The following EYA4 variants were observed in gnomAD, a reference collection of about 807,000 sequenced individuals.
EYA4 encodes the protein EYA transcriptional coactivator and phosphatase 4, also known as protein phosphatase EYA4.
In EYA4, 31 loss-of-function variants were observed where a neutral mutation model predicts 87.9. The observed-to-expected ratio is 0.35, with a 90% CI of 0.27 to 0.48. The LOEUF is 0.48. EYA4 is among the 20% of genes least tolerant of loss of function. EYA4 has a pLI of 0.99. For missense variants in EYA4, 678 were observed against 761.4 expected (o/e 0.89, Z 1.29); for synonymous variants, 263 against 270.6 (o/e 0.97, Z 0.28).
At chr6:133,480,789 C>T (rs902390197) in intron 11 of EYA4, among the ~76,000 whole-genome samples, 2 of 152,034 alleles carry the variant, frequency 1.3e-5, no homozygotes, top group South Asian at 2.1e-4. Context: ...ACATTTGTGG[C>T]TCACATGGTA....
intron 1 of EYA4, among the ~76,000 whole-genome samples, chr6:133,268,866 T>C (rs1165510246): frequency 6.6e-6 from 1 of 151,894 alleles, no homozygotes; most frequent in African/African-American, 2.4e-5. Context: ...GCTGGGCTTT[T>C]CCATCACGGT....
intron 3 of EYA4, among the ~76,000 whole-genome samples, chr6:133,416,623 T>C (rs919022976): frequency 3.3e-5 from 5 of 152,216 alleles, no homozygotes; most frequent in African/African-American, 4.8e-5. Context: ...ATTACGTATA[T>C]ATTATATTAC....
intron 11 of EYA4, among the ~76,000 whole-genome samples, chr6:133,478,748 A>C (rs1351210982): frequency 6.6e-6 from 1 of 152,168 alleles, no homozygotes; most frequent in Non-Finnish European, 1.5e-5. Context: ...AATGGGAATA[A>C]AGTCTTAGGT....
chr6:133,319,266 A>G (rs535056041), intron 2 of EYA4, among the ~76,000 whole-genome samples: 1 of 152,262 alleles, frequency 6.6e-6, no homozygotes, highest in Non-Finnish European at 1.5e-5. Flanking sequence ...TTTCAGAACA[A>G]GGCATAAGCC....
At chr6:133,322,958 C>T (rs1250345156) in intron 2 of EYA4, among the ~76,000 whole-genome samples, 1 of 152,014 alleles carries the variant, frequency 6.6e-6, no homozygotes, top group Non-Finnish European at 1.5e-5. Context: ...TCTCTACTTA[C>T]CCTATCTTTG....
intron 18 of EYA4, among the ~76,000 whole-genome samples, chr6:133,524,736 G>T (rs189681421): frequency 6.6e-6 from 1 of 152,300 alleles, no homozygotes; most frequent in African/African-American, 2.4e-5. Context: ...ATAGTTGCTT[G>T]TAAAGTTACC....
At chr6:133,502,899 A>C (rs1210002156) in intron 13 of EYA4, among the ~76,000 whole-genome samples, 2 of 152,152 alleles carry the variant, frequency 1.3e-5, no homozygotes, top group Non-Finnish European at 2.9e-5. Flanking sequence ...CAGCTAGTTC[A>C]CACTCCAGCA....
intron 13 of EYA4, among the ~76,000 whole-genome samples, chr6:133,493,057 T>C (rs1797326289): frequency 6.6e-6 from 1 of 152,142 alleles, no homozygotes; most frequent in Admixed American, 6.5e-5. Flanking sequence ...ATGCAATCAC[T>C]ATCAAAATAC....
At position 133,481,491 on chromosome 6, in the gene EYA4, C is replaced by G. The variant is rs894683876; in HGVS notation, c.999C>G (p.Ser333=). ...AGTTCGATACCATGCAGAGTCCCTC[C>G]ACACCCATCAAAGATCTTGATGAGA... ...PGEFDTMQSP[S]TPIKDLDERT... Residue 333 remains serine (S), a synonymous_variant, in exon 12 of 20, where the codon TCC becomes TCG. Coordinates refer to ENST00000355286, the MANE Select transcript of EYA4 (RefSeq NM_004100.5). The G allele has an allele frequency of 6.2e-7, 1 of 1,613,868 alleles. No individual in the cohort carries two copies. The highest frequency in any genetic ancestry group is 2.2e-5 in the East Asian group (1 of 44,866).
chr6:133,404,322 G>A (rs1018611013), intron 3 of EYA4, among the ~76,000 whole-genome samples: 2 of 152,156 alleles, frequency 1.3e-5, no homozygotes, highest in Non-Finnish European at 2.9e-5. Flanking sequence ...TTACCAAAGC[G>A]ATTAATAACA....
chr6:133,371,329 G>C (rs1228323167), intron 2 of EYA4, among the ~76,000 whole-genome samples: 1 of 152,020 alleles, frequency 6.6e-6, no homozygotes, highest in African/African-American at 2.4e-5. Flanking sequence ...TGGTTTACGG[G>C]GTCTACTGAG....
At chr6:133,381,932 A>G (rs148722459) in intron 2 of EYA4, among the ~76,000 whole-genome samples, 67 of 152,372 alleles carry the variant, frequency 4.4e-4, no homozygotes, top group African/African-American at 1.5e-3. Flanking sequence ...TATATAAAAC[A>G]TACAGCCACT....
chr6:133,256,207 A>G (rs7762680), intron 1 of EYA4, among the ~76,000 whole-genome samples: 9 of 151,056 alleles, frequency 6.0e-5, no homozygotes, highest in Non-Finnish European at 1.3e-4. Context: ...TAATATATAC[A>G]TATAATTTAT....
intron 13 of EYA4, among the ~76,000 whole-genome samples, chr6:133,491,479 A>C (rs1797146020): frequency 6.6e-6 from 1 of 152,210 alleles, no homozygotes; most frequent in Non-Finnish European, 1.5e-5. Flanking sequence ...CGTTACAACT[A>C]TACTTCAGAA....
At chr6:133,316,507 C>A (rs1024438362) in intron 2 of EYA4, among the ~76,000 whole-genome samples, 1 of 152,002 alleles carries the variant, frequency 6.6e-6, no homozygotes, top group Non-Finnish European at 1.5e-5. Context: ...TTTTAGATAA[C>A]CTGATAGTTT....
rs1800997992 is a variant in EYA4, at chr6:133,531,312, G to A, written c.*2507G>A. The stretch of plus-strand genomic sequence containing the variant: ...GAGCCAGCATCACAGCTTGGCCATG[G>A]GACGTTGAGTATGCACAAACTAGAA... On this transcript the variant is annotated 3_prime_UTR_variant, in exon 20 of 20. Transcript: ENST00000355286. The A allele has an allele frequency of 1.0e-6, 1 of 997,204 alleles. No homozygotes were observed. The highest frequency in any genetic ancestry group is 1.5e-6 in the Non-Finnish European group (1 of 658,730). The allele number at this position is 997,204 out of a possible 1,614,324, so 61.8% of individuals were successfully genotyped here.
In EYA4 at chr6:133,523,305, C is replaced by T. The variant is rs532981623; in HGVS notation, c.1738+128C>T. 5.7e-4 allele frequency: 534 copies of T among 937,804 alleles called. 10 individuals are homozygous for T. In the South Asian group the frequency reaches 7.1e-3, roughly 12 times the overall value. 58.1% of individuals were successfully genotyped at this position (937,804 alleles called of 1,614,324 possible). The stretch of plus-strand genomic sequence containing the variant: ...GGATAAAGTTCAAATTACAAAGTCC[C>T]CTACAACTCATTGTACATGTATGAA... On this transcript the variant is annotated intron_variant, in intron 18 of 19. Coordinates refer to ENST00000355286, the MANE Select transcript of EYA4 (RefSeq NM_004100.5).
At chr6:133,395,652 T>C (rs1039333823) in intron 3 of EYA4, among the ~76,000 whole-genome samples, 2 of 152,190 alleles carry the variant, frequency 1.3e-5, no homozygotes, top group Non-Finnish European at 2.9e-5. Flanking sequence ...TCCCTGGTAC[T>C]CAGCAGGCTG....
At chr6:133,408,762 A>G (rs1403847840) in intron 3 of EYA4, among the ~76,000 whole-genome samples, 1 of 152,216 alleles carries the variant, frequency 6.6e-6, no homozygotes, top group African/African-American at 2.4e-5. Context: ...AGTGAGTGTT[A>G]GTCATGATGT....
Sources: allele counts gnomAD v4.1 joint callset (sites outside exome capture counted in the v4.1 genomes callset), GRCh38; gene constraint gnomAD v4.1.1; transcripts MANE v1.5; gene names NCBI Gene and HGNC (gene_info 2026-07-23, HGNC 2026-07-21).